The following SWAP70 variants were observed in gnomAD, a reference collection of about 807,000 sequenced individuals.
SWAP70 encodes switching B cell complex subunit SWAP70.
SWAP70 carries 34 observed loss-of-function variants against 80.2 expected under a neutral mutation model. That is an observed-to-expected ratio of 0.42 (90% confidence interval 0.32 to 0.56). The LOEUF is 0.56. Ranked by LOEUF, SWAP70 falls within the 20% of genes least tolerant of loss-of-function variation. The pLI is 0.09. For missense variants in SWAP70, 578 were observed against 690.7 expected, an observed-to-expected ratio of 0.84 and a Z score of 1.83; for synonymous variants, 239 against 238.5, an observed-to-expected ratio of 1.00 and a Z score of -0.02.
At position 9,664,171 on chromosome 11, in the gene SWAP70, G is replaced by A; in HGVS notation, c.-9G>A. 3 of 1,564,564 alleles carry A rather than the reference G, an allele frequency of 1.9e-6. No homozygotes were observed. Among genetic ancestry groups the A allele is most frequent in the Non-Finnish European group, 2.6e-6 (3 of 1,157,652 alleles). On this transcript the variant is annotated 5_prime_UTR_variant, in exon 1 of 12. Coordinates refer to ENST00000318950, the MANE Select transcript of SWAP70 (RefSeq NM_015055.4). ...CAGGAGGGGTTGGCGGGGCAGCAGG[G>A]CCGCGGCCATGGGGAGCTTGAAGGA...
rs1851562327 is a variant in SWAP70 at position 9,749,849 on chromosome 11, A to G, written c.1652-15A>G. ...ATATAATACTTCCTGTATTTAAAGC[A>G]TGTTTGCCTCTTAGGTTCAAAGAAC... is the stretch of plus-strand genomic sequence containing the variant. On this transcript the variant is annotated splice_polypyrimidine_tract_variant and intron_variant, in intron 11 of 11. Transcript: ENST00000318950. The G allele has an allele frequency of 6.5e-7, 1 of 1,539,530 alleles. No homozygotes were observed. Among genetic ancestry groups the G allele is most frequent in the African/African-American group, 1.4e-5 (1 of 73,224 alleles).
intron 1 of SWAP70, among the ~76,000 whole-genome samples, chr11:9,678,072 AT>A (rs1236899013): frequency 1.3e-5 from 2 of 152,212 alleles, no homozygotes; most frequent in Non-Finnish European, 2.9e-5. Context: ...CAGGGTTTTT[AT>A]TTGTGGAACA....
At chr11:9,698,679 A>G (rs1850793230) in intron 2 of SWAP70, among the ~76,000 whole-genome samples, 1 of 152,236 alleles carries the variant, frequency 6.6e-6, no homozygotes, top group Non-Finnish European at 1.5e-5. Context: ...TGTTGGGATT[A>G]TAGGTGTGAG....
intron 1 of SWAP70, among the ~76,000 whole-genome samples, chr11:9,666,352 C>T (rs1850307201): frequency 6.6e-6 from 1 of 152,020 alleles, no homozygotes; most frequent in South Asian, 2.1e-4. Flanking sequence ...TCATGAAGTG[C>T]TAGGATTACA....
chr11:9,728,000 C>G (rs947112721), intron 4 of SWAP70, 53 bp from the exon 5 acceptor site: 5 of 1,468,112 alleles, frequency 3.4e-6, no homozygotes, highest in East Asian at 2.5e-5. Context: ...GAAGAGATGT[C>G]AGCTCTTACA....
intron 4 of SWAP70, chr11:9,726,849 C>G (rs1851231311): frequency 2.2e-6 from 1 of 456,006 alleles, no homozygotes; most frequent in Admixed American, 2.4e-5. Context: ...TGAGTGTGAG[C>G]TTAGAAGCCA....
At chr11:9,669,279 G>C (rs1441562939) in intron 1 of SWAP70, among the ~76,000 whole-genome samples, 3 of 152,166 alleles carry the variant, frequency 2.0e-5, no homozygotes. Flanking sequence ...ACGGAGTCTT[G>C]CTCTGTTGCC....
chr11:9,683,143 T>G (rs940295143), intron 1 of SWAP70, among the ~76,000 whole-genome samples: 1 of 152,204 alleles, frequency 6.6e-6, no homozygotes, highest in African/African-American at 2.4e-5. Context: ...CGCATGCCTG[T>G]AATTCCAGCA....
Position 9,722,102 on chromosome 11 carries a change from G to A in SWAP70, c.415-2556G>A, listed in dbSNP as rs150966850. Reference sequence around the variant, plus strand: ...ATGGTTGAATAGTATTTCACTCAGTGCAGAAGGGAAGCAACATTAGTGGAG... The same window carrying A: ...ATGGTTGAATAGTATTTCACTCAGTACAGAAGGGAAGCAACATTAGTGGAG... On this transcript the variant is annotated intron_variant, in intron 3 of 11. Transcript: ENST00000318950. 8.5e-3 allele frequency among the ~76,000 whole-genome samples: 1,290 copies of A among 152,320 alleles called. 13 individuals carry two copies. Among genetic ancestry groups the A allele is most frequent in the Middle Eastern group, 0.034 (10 of 294 alleles).
At chr11:9,725,548 TATATATATATATA>T (rs1851202958) in intron 4 of SWAP70, among the ~76,000 whole-genome samples, 3 of 9,804 alleles carry the variant, frequency 3.1e-4, no homozygotes, top group African/African-American at 9.3e-4. Flanking sequence ...TATATATATA[TATATATATATATA>T]TATATATATT....
chr11:9,699,511 AAACTATAG>A (rs1170568838), intron 2 of SWAP70, among the ~76,000 whole-genome samples: 1 of 152,098 alleles, frequency 6.6e-6, no homozygotes, highest in African/African-American at 2.4e-5. Context: ...ACTTACAATA[AAACTATAG>A]AACACAAATA....
intron 1 of SWAP70, among the ~76,000 whole-genome samples, chr11:9,689,428 T>A (rs985000296): frequency 2.6e-5 from 4 of 152,084 alleles, no homozygotes; most frequent in Non-Finnish European, 5.9e-5. Context: ...GAGAGATGAG[T>A]TTCTGGCATG....
At chr11:9,664,666 C>T (rs746608282) in intron 1 of SWAP70, among the ~76,000 whole-genome samples, 4 of 152,206 alleles carry the variant, frequency 2.6e-5, no homozygotes, top group Non-Finnish European at 4.4e-5. Context: ...TTTCCTCTTA[C>T]TCCAGGAGAG....
chr11:9,702,778 A>G (rs576338176), intron 2 of SWAP70, among the ~76,000 whole-genome samples: 1 of 152,262 alleles, frequency 6.6e-6, no homozygotes, highest in Admixed American at 6.5e-5. Flanking sequence ...CATTTTCATT[A>G]TATTTGTGAA....
chr11:9,668,977 C>T (rs1055407540), intron 1 of SWAP70, among the ~76,000 whole-genome samples: 1 of 152,126 alleles, frequency 6.6e-6, no homozygotes, highest in Non-Finnish European at 1.5e-5. Flanking sequence ...AAGGCACACT[C>T]TCTCTCTCCA....
chr11:9,670,998 C>T (rs1175969271), intron 1 of SWAP70, among the ~76,000 whole-genome samples: 1 of 149,700 alleles, frequency 6.7e-6, no homozygotes, highest in Non-Finnish European at 1.5e-5. Context: ...TGTGATCCAC[C>T]CACCTCGGCC....
intron 4 of SWAP70, chr11:9,727,089 T>C (rs1204802515): frequency 1.0e-5 from 4 of 391,154 alleles, no homozygotes; most frequent in Non-Finnish European, 2.0e-5. Context: ...GAGGTTTTAC[T>C]TATTTTATTT....
Position 9,684,644 on chromosome 11 carries a change from T to G in SWAP70, c.100-9502T>G, listed in dbSNP as rs185785618. Reference sequence around the variant, plus strand: ...TTGTGCTTGGCTAGTTCTGGTGGTGTTAAGAACTAATGGAGGCATTGTTTT... The same window carrying G: ...TTGTGCTTGGCTAGTTCTGGTGGTGGTAAGAACTAATGGAGGCATTGTTTT... On this transcript the variant is annotated intron_variant, in intron 1 of 11. Transcript: ENST00000318950. 2.7e-3 allele frequency among the ~76,000 whole-genome samples: 416 copies of G among 152,284 alleles called. 1 individual carries two copies. The highest frequency in any genetic ancestry group is 9.7e-3 in the African/African-American group (405 of 41,548).
At chr11:9,748,120 G>T in intron 10 of SWAP70, 64 bp downstream of exon 10, 1 of 1,505,882 alleles carries the variant, frequency 6.6e-7, no homozygotes, top group East Asian at 2.4e-5. Flanking sequence ...CTCAATAATA[G>T]AATTATTTGC....
Sources: allele counts gnomAD v4.1 joint callset (sites outside exome capture counted in the v4.1 genomes callset), GRCh38; gene constraint gnomAD v4.1.1; transcripts MANE v1.5; gene names NCBI Gene and HGNC (gene_info 2026-07-23, HGNC 2026-07-21).